Variants in MAF observed in about 807,000 individuals in gnomAD.
MAF encodes the protein transcription factor Maf.
In MAF, 10 loss-of-function variants were observed where a neutral mutation model predicts 22.0. That is an observed-to-expected ratio of 0.45 (90% CI 0.28 to 0.77). The LOEUF is 0.77. Among genes scored for constraint, MAF ranks in the 30% least tolerant of loss-of-function variants. MAF has a pLI of 0.12. For missense variants in MAF, 544 were observed against 548.4 expected, an observed-to-expected ratio of 0.99 and a Z score of 0.08; for synonymous variants, 337 against 255.8, an observed-to-expected ratio of 1.32 and a Z score of -3.03.
the MAF span, among the ~76,000 whole-genome samples, chr16:79,420,704 C>T: frequency 2.0e-5 from 3 of 152,204 alleles, no homozygotes; most frequent in East Asian, 1.9e-4. Context: ...CGCGGTGAAC[C>T]GCGGCCCACA....
At chr16:79,314,464 A>G in the MAF span, among the ~76,000 whole-genome samples, 8 of 152,156 alleles carry the variant, frequency 5.3e-5, no homozygotes, top group Admixed American at 3.9e-4. Flanking sequence ...CCCATCAAAC[A>G]CTGGACTGTA....
At chr16:79,498,379 T>C in the MAF span, among the ~76,000 whole-genome samples, 1 of 152,206 alleles carries the variant, frequency 6.6e-6, no homozygotes, top group East Asian at 1.9e-4. Flanking sequence ...TTAAATTTCA[T>C]ATAATCTGTA....
chr16:79,245,263 C>T, the MAF span, among the ~76,000 whole-genome samples: 9 of 151,944 alleles, frequency 5.9e-5, no homozygotes, highest in African/African-American at 1.2e-4. Context: ...AAGAAACTAT[C>T]GTTGGAGTGA....
chr16:79,525,285 G>C, the MAF span, among the ~76,000 whole-genome samples: 6 of 152,140 alleles, frequency 3.9e-5, no homozygotes, highest in South Asian at 1.2e-3. Context: ...TGGATGTTTT[G>C]GGTAAAGTGA....
chr16:79,225,264 G>T, the MAF span, among the ~76,000 whole-genome samples: 1 of 152,176 alleles, frequency 6.6e-6, no homozygotes, highest in African/African-American at 2.4e-5. Context: ...AATGGGGAAA[G>T]AATTCCCTAT....
the MAF span, among the ~76,000 whole-genome samples, chr16:79,228,329 C>A: frequency 6.6e-6 from 1 of 152,020 alleles, no homozygotes; most frequent in Non-Finnish European, 1.5e-5. Context: ...AATAATTCAC[C>A]CATTAACTAT....
At chr16:79,437,988 G>A in the MAF span, among the ~76,000 whole-genome samples, 3 of 152,194 alleles carry the variant, frequency 2.0e-5, no homozygotes, top group Admixed American at 2.0e-4. Flanking sequence ...CGGCCCCAGG[G>A]CACCGGGAAG....
At chr16:79,579,139 A>C in the MAF span, among the ~76,000 whole-genome samples, 19 of 152,358 alleles carry the variant, frequency 1.2e-4, 1 homozygote, top group African/African-American at 4.6e-4. Flanking sequence ...TATAGCTTAC[A>C]GACAGAGAAT....
At chr16:79,437,303 T>C in the MAF span, among the ~76,000 whole-genome samples, 21 of 152,218 alleles carry the variant, frequency 1.4e-4, no homozygotes, top group East Asian at 4.1e-3. Context: ...TTACATGTCA[T>C]CCAAGATTAA....
chr16:79,403,896 C>T, the MAF span, among the ~76,000 whole-genome samples: 5 of 152,174 alleles, frequency 3.3e-5, no homozygotes, highest in South Asian at 2.1e-4. Context: ...CTGGGGAGGG[C>T]GAGAGGCATG....
the MAF span, among the ~76,000 whole-genome samples, chr16:79,527,783 C>T: frequency 6.6e-6 from 1 of 152,120 alleles, no homozygotes; most frequent in Admixed American, 6.6e-5. Context: ...TGAGAAAGTT[C>T]TTTTCATAAG....
chr16:79,251,867 A>G, the MAF span, among the ~76,000 whole-genome samples: 2 of 152,232 alleles, frequency 1.3e-5, no homozygotes, highest in Non-Finnish European at 2.9e-5. Context: ...TTTTTTTGTA[A>G]GAAAAGCCTT....
chr16:79,413,994 C>T, the MAF span, among the ~76,000 whole-genome samples: 1 of 152,164 alleles, frequency 6.6e-6, no homozygotes, highest in African/African-American at 2.4e-5. Flanking sequence ...AGTAGCTGGC[C>T]AAATGCCCTC....
the MAF span, among the ~76,000 whole-genome samples, chr16:79,477,211 G>A: frequency 6.6e-6 from 1 of 152,196 alleles, no homozygotes; most frequent in Admixed American, 6.5e-5. Flanking sequence ...GGGAAAAGGT[G>A]CCACTGGATC....
the MAF span, among the ~76,000 whole-genome samples, chr16:79,382,438 T>C: frequency 6.6e-6 from 1 of 152,336 alleles, no homozygotes; most frequent in East Asian, 1.9e-4. Flanking sequence ...CCACTGGACA[T>C]ATGTGGCTAT....
At chr16:79,231,585 T>G in the MAF span, among the ~76,000 whole-genome samples, 1 of 152,064 alleles carries the variant, frequency 6.6e-6, no homozygotes, top group African/African-American at 2.4e-5. Flanking sequence ...ATCTATCTAT[T>G]GTTCCATCCC....
the MAF span, among the ~76,000 whole-genome samples, chr16:79,502,714 T>TATATATATATAAATATAA: frequency 8.5e-4 from 11 of 13,004 alleles, no homozygotes; most frequent in African/African-American, 2.3e-3. Flanking sequence ...TATAAATATA[T>TATATATATATAAATATAA]ATATATATAT....
chr16:79,382,511 C>G, the MAF span, among the ~76,000 whole-genome samples: 1 of 152,192 alleles, frequency 6.6e-6, no homozygotes, highest in Non-Finnish European at 1.5e-5. Flanking sequence ...CTAATTTTAA[C>G]TAATTTAAAT....
the MAF span, among the ~76,000 whole-genome samples, chr16:79,569,830 A>T: frequency 3.9e-5 from 6 of 152,184 alleles, no homozygotes; most frequent in African/African-American, 1.4e-4. Flanking sequence ...ACCTAGAGGG[A>T]GCTGTCCCCG....
Sources: gnomAD v4.1 joint callset for allele counts (sites outside exome capture counted in the v4.1 genomes callset) on GRCh38, gnomAD v4.1.1 for gene constraint, MANE v1.5 for transcripts, NCBI Gene and HGNC (gene_info 2026-07-23, HGNC 2026-07-21) for gene names.